Variants in PARVB observed in about 807,000 individuals in gnomAD.
The protein encoded by PARVB is beta-parvin.
In PARVB, 46 loss-of-function variants were observed where a neutral mutation model predicts 47.0. That is an observed-to-expected ratio of 0.98 (90% CI 0.77 to 1.25). PARVB has a LOEUF of 1.25. Ranked by LOEUF, PARVB falls within the 50% of genes most tolerant of loss-of-function variation. The probability of loss-of-function intolerance (pLI) is 0.00; values close to 1 mark genes in which losing one functional copy is unlikely to be tolerated. For missense variants in PARVB, 473 were observed against 471.6 expected, an observed-to-expected ratio of 1.00 and a Z score of -0.03; for synonymous variants, 196 against 196.3, an observed-to-expected ratio of 1.00 and a Z score of 0.01.
Position 44,119,516 on chromosome 22 carries a change from T to G in PARVB, c.376+376T>G, listed in dbSNP as rs1374617634. ...CGGGTCTGCAGCAATATTCTGTGAGTGAATGTGTCACCAAATACATGATAG... is the reference window on the plus strand; with the variant it reads ...CGGGTCTGCAGCAATATTCTGTGAGGGAATGTGTCACCAAATACATGATAG... On this transcript the variant is annotated intron_variant, in intron 4 of 12. Transcript: ENST00000338758. 2.0e-5 allele frequency among the ~76,000 whole-genome samples: 3 copies of G among 152,130 alleles called. No individual in the cohort carries two copies. In the East Asian group the frequency reaches 5.8e-4, roughly 29 times the overall value.
At chr22:44,063,309 C>G (rs2146962811) in intron 1 of PARVB, among the ~76,000 whole-genome samples, 1 of 151,966 alleles carries the variant, frequency 6.6e-6, no homozygotes, top group Non-Finnish European at 1.5e-5. Context: ...TTACTGCAAC[C>G]TCCGCCTCCC....
intron 1 of PARVB, among the ~76,000 whole-genome samples, chr22:44,075,276 A>C (rs1433912894): frequency 1.3e-5 from 2 of 152,242 alleles, no homozygotes; most frequent in Admixed American, 1.3e-4. Context: ...ACACATGTTC[A>C]TGCATGCACC....
At chr22:44,018,376 TG>T (rs2050607405) in intron 2 of PARVB, among the ~76,000 whole-genome samples, 1 of 152,176 alleles carries the variant, frequency 6.6e-6, no homozygotes, top group South Asian at 2.1e-4. Flanking sequence ...CACTCCAGCC[TG>T]GGCGACAAGA....
intron 1 of PARVB, among the ~76,000 whole-genome samples, chr22:44,055,656 ATCTCTC>A (rs3083345): frequency 5.4e-4 from 80 of 148,376 alleles, no homozygotes; most frequent in African/African-American, 1.8e-3. Context: ...GTCTCTATCC[ATCTCTC>A]TCTCTCTCTC....
At chr22:44,003,564 G>A (rs2050434123) in intron 2 of PARVB, among the ~76,000 whole-genome samples, 1 of 152,136 alleles carries the variant, frequency 6.6e-6, no homozygotes, top group African/African-American at 2.4e-5. Flanking sequence ...CGCCAGGACT[G>A]GACTCCCTGG....
intron 1 of PARVB, among the ~76,000 whole-genome samples, chr22:44,030,373 G>C (rs1241280239): frequency 1.3e-5 from 2 of 152,256 alleles, no homozygotes; most frequent in Non-Finnish European, 2.9e-5. Context: ...AGCCCAGGGA[G>C]GGGGAGGGGG....
At chr22:44,074,706 C>T (rs139759015) in intron 1 of PARVB, among the ~76,000 whole-genome samples, 102 of 152,274 alleles carry the variant, frequency 6.7e-4, no homozygotes, top group African/African-American at 2.4e-3. Flanking sequence ...GTTCACTGCC[C>T]CTCCCTCAGC....
intron 1 of PARVB, among the ~76,000 whole-genome samples, chr22:44,071,243 C>T (rs766488203): frequency 2.0e-5 from 3 of 152,138 alleles, no homozygotes; most frequent in Admixed American, 2.0e-4. Flanking sequence ...CCTCCACCTC[C>T]TTGACCTTTG....
Position 44,091,328 on chromosome 22 carries a change from A to G in PARVB, c.113-2600A>G, listed in dbSNP as rs76270944. On this transcript the variant is annotated intron_variant, in intron 1 of 12. Transcript: ENST00000338758. ...AAAAAAATTGTTGTAAAATAGGCAT[A>G]ACGTAAACTTTACCATCTTAGCCAT... Among the ~76,000 whole-genome samples the G allele has an allele frequency of 3.4e-3, 499 of 147,670 alleles. 1 individual carries two copies. Among genetic ancestry groups the G allele is most frequent in the African/African-American group, 0.012 (474 of 40,042 alleles).
At chr22:44,095,123 A>G (rs890074376) in intron 2 of PARVB, among the ~76,000 whole-genome samples, 2 of 152,108 alleles carry the variant, frequency 1.3e-5, no homozygotes, top group African/African-American at 4.8e-5. Flanking sequence ...GTGTGCTCAC[A>G]GAGGGTGGTT....
At chr22:44,160,519 C>T (rs2054028801) in intron 11 of PARVB, among the ~76,000 whole-genome samples, 1 of 152,194 alleles carries the variant, frequency 6.6e-6, no homozygotes, top group Non-Finnish European at 1.5e-5. Flanking sequence ...GGCCTTGGGG[C>T]CTCCTACTGC....
At chr22:44,088,412 G>T (rs1055321092) in intron 1 of PARVB, among the ~76,000 whole-genome samples, 4 of 152,230 alleles carry the variant, frequency 2.6e-5, no homozygotes, top group East Asian at 1.9e-4. Flanking sequence ...TGACTCTGGG[G>T]CTTCACATCT....
At chr22:44,015,776 G>A (rs1432225501) in intron 2 of PARVB, among the ~76,000 whole-genome samples, 1 of 152,160 alleles carries the variant, frequency 6.6e-6, no homozygotes, top group Non-Finnish European at 1.5e-5. Flanking sequence ...CCAAGATTGT[G>A]CCACTGCACT....
intron 4 of PARVB, among the ~76,000 whole-genome samples, chr22:44,127,195 T>C (rs1422011228): frequency 6.6e-6 from 1 of 152,186 alleles, no homozygotes; most frequent in Non-Finnish European, 1.5e-5. Context: ...ACATAAGCAC[T>C]TGAGAAGGCA....
chr22:44,158,129 A>C, intron 11 of PARVB, 46 bp downstream of exon 11: 8 of 1,281,928 alleles, frequency 6.2e-6, no homozygotes, highest in Non-Finnish European at 8.0e-6. Flanking sequence ...AGAAATGCTC[A>C]TTGAAATGCA....
chr22:44,101,175 C>T lies in PARVB; in HGVS notation c.273+1052C>T, dbSNP rs550506010. 2.3e-4 allele frequency among the ~76,000 whole-genome samples: 35 copies of T among 151,982 alleles called. No individual in the cohort carries two copies. The East Asian group carries it at 5.1e-3, about 22-fold the overall frequency. On this transcript the variant is annotated intron_variant, in intron 3 of 12. Transcript: ENST00000338758. ...CTGTAATCCCAGCACTTTGGGAGGC[C>T]GAGGCGGGCGGATCACGAGGTCAGG...
chr22:44,152,151 C>CTT (rs575608540), intron 10 of PARVB: 62 of 140,758 alleles, frequency 4.4e-4, no homozygotes, highest in African/African-American at 1.1e-3. Context: ...CTTTTTCTTT[C>CTT]TTTTTTTTTT....
At chr22:44,024,274 CCTCTCCCCGGGG>C (rs1315143590), upstream of PARVB, 5 of 904,892 alleles carry the variant, frequency 5.5e-6, no homozygotes. Context: ...GCGCCCTCGG[CCTCTCCCCGGGG>C]CGACCGGGCG....
At chr22:44,164,411 C>CCCG (rs71864264) in intron 12 of PARVB, among the ~76,000 whole-genome samples, 2,325 of 142,990 alleles carry the variant, frequency 0.016, 72 homozygotes, top group African/African-American at 0.056. Context: ...CTTCCCTGTC[C>CCCG]CCCCCCCGGC....
Sources: gnomAD v4.1 joint callset for allele counts (sites outside exome capture counted in the v4.1 genomes callset) on GRCh38, gnomAD v4.1.1 for gene constraint, MANE v1.5 for transcripts, NCBI Gene and HGNC (gene_info 2026-07-23, HGNC 2026-07-21) for gene names.